SPATA12: variants seen among roughly 807,000 people sequenced by gnomAD.
SPATA12 encodes the protein spermatogenesis-associated protein 12.
For missense variants in SPATA12, 219 were observed against 226.4 expected (o/e 0.97, Z 0.21); for synonymous variants, 85 against 89.2 (o/e 0.95, Z 0.26).
At chr3:57,061,366 T>C (rs1482707278) in intron 1 of SPATA12, among the ~76,000 whole-genome samples, 1 of 152,300 alleles carries the variant, frequency 6.6e-6, no homozygotes, top group African/African-American at 2.4e-5. Context: ...GGCACGATCA[T>C]AACTCACTGC....
chr3:57,067,809 C>T (rs190801020), intron 1 of SPATA12, among the ~76,000 whole-genome samples: 9 of 142,826 alleles, frequency 6.3e-5, no homozygotes, highest in African/African-American at 2.1e-4. Flanking sequence ...GAAACCCCGT[C>T]TCTACTAAAA....
chr3:57,065,096 G>C (rs1476456592), intron 1 of SPATA12, among the ~76,000 whole-genome samples: 2 of 152,236 alleles, frequency 1.3e-5, no homozygotes, highest in African/African-American at 4.8e-5. Flanking sequence ...TAAGTTGGGA[G>C]AAATAACTGC....
intron 1 of SPATA12, among the ~76,000 whole-genome samples, chr3:57,068,649 C>T (rs1705699721): frequency 6.6e-6 from 1 of 152,186 alleles, no homozygotes; most frequent in Non-Finnish European, 1.5e-5. Flanking sequence ...CAGTCCTCCC[C>T]ACCCCCTTGG....
chr3:57,061,670 G>C (rs951350514), intron 1 of SPATA12, among the ~76,000 whole-genome samples: 8 of 152,160 alleles, frequency 5.3e-5, no homozygotes, highest in Non-Finnish European at 1.2e-4. Flanking sequence ...GGAATTGCTG[G>C]ACTATATGAT....
intron 1 of SPATA12, among the ~76,000 whole-genome samples, chr3:57,070,908 G>A (rs758774426): frequency 2.0e-5 from 3 of 149,698 alleles, no homozygotes; most frequent in Non-Finnish European, 4.4e-5. Context: ...GGAGGTCGAG[G>A]CTACAGTGAG....
At chr3:57,064,167 G>C (rs1281216601) in intron 1 of SPATA12, among the ~76,000 whole-genome samples, 1 of 152,112 alleles carries the variant, frequency 6.6e-6, no homozygotes, top group African/African-American at 2.4e-5. Context: ...TAACCCGGAA[G>C]CTGAGGTCAG....
At chr3:57,069,552 T>A (rs1705766925) in intron 1 of SPATA12, among the ~76,000 whole-genome samples, 1 of 152,230 alleles carries the variant, frequency 6.6e-6, no homozygotes, top group Non-Finnish European at 1.5e-5. Context: ...CACTCCATTT[T>A]TTATTATTTC....
At chr3:57,066,380 G>C (rs762053681) in intron 1 of SPATA12, among the ~76,000 whole-genome samples, 4 of 151,868 alleles carry the variant, frequency 2.6e-5, no homozygotes, top group Non-Finnish European at 4.4e-5. Context: ...ACCTGCCTCA[G>C]CCTCCCAAGT....
intron 1 of SPATA12, among the ~76,000 whole-genome samples, chr3:57,070,991 AG>A (rs1236454948): frequency 8.0e-6 from 1 of 125,078 alleles, no homozygotes; most frequent in African/African-American, 2.8e-5. Context: ...AAAAAAAGAA[AG>A]AAAGAAAGAA....
chr3:57,068,612 TA>T (rs1337436882), intron 1 of SPATA12, among the ~76,000 whole-genome samples: 1 of 152,200 alleles, frequency 6.6e-6, no homozygotes, highest in Non-Finnish European at 1.5e-5. Flanking sequence ...AGGGCTTTTA[TA>T]AAACTAAAGC....
intron 1 of SPATA12, among the ~76,000 whole-genome samples, chr3:57,062,455 G>A (rs1295028928): frequency 2.6e-5 from 4 of 152,192 alleles, no homozygotes; most frequent in African/African-American, 7.2e-5. Flanking sequence ...GCACGGCGGC[G>A]GGGGCGGGGG....
chr3:57,066,278 T>C (rs1025754116), intron 1 of SPATA12, among the ~76,000 whole-genome samples: 4 of 151,848 alleles, frequency 2.6e-5, no homozygotes, highest in Non-Finnish European at 5.9e-5. Flanking sequence ...TTCTTTTTTT[T>C]TTTTTCTGAA....
At chr3:57,069,193 T>C (rs1210998609) in intron 1 of SPATA12, among the ~76,000 whole-genome samples, 2 of 152,190 alleles carry the variant, frequency 1.3e-5, no homozygotes, top group Non-Finnish European at 2.9e-5. Flanking sequence ...AGTGCTAGGA[T>C]TACAGGCGTG....
chr3:57,064,309 TTTTTTTTTTCTTTC>T (rs1162735172), intron 1 of SPATA12, among the ~76,000 whole-genome samples: 6 of 149,036 alleles, frequency 4.0e-5, no homozygotes, highest in Middle Eastern at 3.4e-3. Context: ...AAATTCTTTC[TTTTTTTTTTCTTTC>T]TTTTTTTTTC....
At chr3:57,063,004 A>G (rs1185317958) in intron 1 of SPATA12, among the ~76,000 whole-genome samples, 1 of 152,188 alleles carries the variant, frequency 6.6e-6, no homozygotes, top group Non-Finnish European at 1.5e-5. Context: ...GGATAACGAT[A>G]GTGTAAGGAG....
intron 1 of SPATA12, among the ~76,000 whole-genome samples, chr3:57,063,339 AG>A (rs1705338568): frequency 6.6e-6 from 1 of 152,170 alleles, no homozygotes; most frequent in African/African-American, 2.4e-5. Flanking sequence ...GAGCTATTTG[AG>A]GGCTTTGAGC....
Position 57,073,688 on chromosome 3 carries a change from G to C in SPATA12, c.-7G>C. 6.2e-7 allele frequency: 1 copy of C among 1,601,550 alleles called. No homozygotes were observed. The highest frequency in any genetic ancestry group is 1.7e-5 in the Admixed American group (1 of 57,548). On this transcript the variant is annotated 5_prime_UTR_variant, in exon 2 of 2. Coordinates refer to ENST00000334325, the MANE Select transcript of SPATA12 (RefSeq NM_181727.2). ...TTCTGGAGAATTCTGTTTTTGACTT[G>C]GGCCCCATGTCCAGTTCTGCTCTGA...
intron 1 of SPATA12, among the ~76,000 whole-genome samples, chr3:57,069,794 G>A (rs1433799843): frequency 6.6e-6 from 1 of 152,038 alleles, no homozygotes; most frequent in Non-Finnish European, 1.5e-5. Context: ...ACAGACATGT[G>A]CCGTCACACC....
intron 1 of SPATA12, among the ~76,000 whole-genome samples, chr3:57,064,826 A>C (rs934785637): frequency 6.6e-5 from 10 of 152,234 alleles, no homozygotes; most frequent in Non-Finnish European, 7.3e-5. Flanking sequence ...ACAGTGTTTC[A>C]GTGTCACAAG....
Sources: allele counts gnomAD v4.1 joint callset (sites outside exome capture counted in the v4.1 genomes callset), GRCh38; gene constraint gnomAD v4.1.1; transcripts MANE v1.5; gene names NCBI Gene and HGNC (gene_info 2026-07-23, HGNC 2026-07-21).